PDSS2: variants seen among roughly 807,000 people sequenced by gnomAD.
PDSS2 encodes decaprenyl diphosphate synthase subunit 2, also known as all trans-polyprenyl-diphosphate synthase PDSS2.
Under a neutral mutation model 44.5 loss-of-function variants are expected in PDSS2, and 31 were observed. The observed-to-expected ratio is 0.70, with a 90% CI of 0.52 to 0.94. PDSS2 has a LOEUF of 0.94. Among genes scored for constraint, PDSS2 ranks in the 40% least tolerant of loss-of-function variants. The pLI, the probability that PDSS2 is intolerant of heterozygous loss-of-function variation, is 0.00. For missense variants in PDSS2, 452 were observed against 482.2 expected, an observed-to-expected ratio of 0.94 and a Z score of 0.59; for synonymous variants, 157 against 180.3, an observed-to-expected ratio of 0.87 and a Z score of 1.03.
intron 3 of PDSS2, among the ~76,000 whole-genome samples, chr6:107,266,447 G>A (rs1775415303): frequency 6.7e-6 from 1 of 150,250 alleles, no homozygotes; most frequent in Admixed American, 6.6e-5. Context: ...TGAAGAACAA[G>A]GTGCAAAAGA....
chr6:107,176,614 T>G (rs1327427388), intron 7 of PDSS2, among the ~76,000 whole-genome samples: 1 of 152,162 alleles, frequency 6.6e-6, no homozygotes, highest in East Asian at 1.9e-4. Context: ...ATTTCAAGGC[T>G]CAACCTCTCT....
At chr6:107,387,448 T>G (rs1217458889) in intron 1 of PDSS2, among the ~76,000 whole-genome samples, 1 of 152,180 alleles carries the variant, frequency 6.6e-6, no homozygotes, top group African/African-American at 2.4e-5. Context: ...CTGATACCAT[T>G]ATTTTTGTAG....
intron 3 of PDSS2, among the ~76,000 whole-genome samples, chr6:107,269,306 A>T (rs1407384919): frequency 6.6e-6 from 1 of 150,796 alleles, no homozygotes; most frequent in Non-Finnish European, 1.5e-5. Context: ...TAGATGGTGC[A>T]AAATCTAGGC....
At chr6:107,251,431 A>G (rs904484888) in intron 3 of PDSS2, among the ~76,000 whole-genome samples, 2 of 152,202 alleles carry the variant, frequency 1.3e-5, no homozygotes, top group African/African-American at 4.8e-5. Context: ...TTGGAGGTGA[A>G]TAACACGGCA....
intron 3 of PDSS2, among the ~76,000 whole-genome samples, chr6:107,261,952 A>G (rs1775251924): frequency 7.8e-6 from 1 of 128,172 alleles, no homozygotes; most frequent in South Asian, 2.4e-4. Flanking sequence ...TCTGTTGCCC[A>G]GGCTGGAGTG....
chr6:107,373,809 A>C (rs188295650), intron 1 of PDSS2, among the ~76,000 whole-genome samples: 1 of 152,286 alleles, frequency 6.6e-6, no homozygotes, highest in East Asian at 1.9e-4. Flanking sequence ...CTCACTCTGG[A>C]TTATAGATGA....
intron 2 of PDSS2, among the ~76,000 whole-genome samples, chr6:107,285,079 T>C (rs1776096431): frequency 6.6e-6 from 1 of 152,168 alleles, no homozygotes; most frequent in African/African-American, 2.4e-5. Context: ...CCTGGGCTCT[T>C]TGCATATCAA....
intron 1 of PDSS2, among the ~76,000 whole-genome samples, chr6:107,448,269 C>T (rs1249821981): frequency 1.3e-5 from 2 of 152,196 alleles, no homozygotes; most frequent in Middle Eastern, 3.2e-3. Context: ...AATTTCTCCT[C>T]AGAAAATGAG....
At position 107,252,948 on chromosome 6, in the gene PDSS2, G is replaced by A. The variant is rs1020547521; in HGVS notation, c.631-7329C>T. On this transcript the variant is annotated intron_variant, in intron 3 of 7. Coordinates refer to ENST00000369037, the MANE Select transcript of PDSS2 (RefSeq NM_020381.4). ...GTACTGTACTAATGAAACTAGTCTCGTTAGGCCACAGTTATACATGAGACA... is the reference window on the plus strand; with the variant it reads ...GTACTGTACTAATGAAACTAGTCTCATTAGGCCACAGTTATACATGAGACA... 3.9e-5 allele frequency among the ~76,000 whole-genome samples: 6 copies of A among 152,214 alleles called. No homozygotes were observed. The East Asian group carries it at 7.7e-4, about 20-fold the overall frequency.
At chr6:107,257,128 C>T (rs1434300297) in intron 3 of PDSS2, among the ~76,000 whole-genome samples, 1 of 151,326 alleles carries the variant, frequency 6.6e-6, no homozygotes, top group Non-Finnish European at 1.5e-5. Context: ...TGGAGTGAGC[C>T]AAGATCATGC....
At chr6:107,395,418 C>G (rs969126863) in intron 1 of PDSS2, among the ~76,000 whole-genome samples, 1 of 152,074 alleles carries the variant, frequency 6.6e-6, no homozygotes. Flanking sequence ...ATTTTTTAAA[C>G]CACTTGATAT....
At chr6:107,324,446 G>A (rs1463053900) in intron 2 of PDSS2, among the ~76,000 whole-genome samples, 1 of 151,964 alleles carries the variant, frequency 6.6e-6, no homozygotes, top group Non-Finnish European at 1.5e-5. Context: ...TCTTAAATAG[G>A]CTTTTATTGC....
At chr6:107,350,987 G>A (rs1179804548) in intron 1 of PDSS2, among the ~76,000 whole-genome samples, 2 of 151,756 alleles carry the variant, frequency 1.3e-5, no homozygotes, top group African/African-American at 2.4e-5. Flanking sequence ...ATAAGGTCTT[G>A]GATTAAGCAA....
chr6:107,396,963 G>T (rs943546593), intron 1 of PDSS2, among the ~76,000 whole-genome samples: 1 of 152,018 alleles, frequency 6.6e-6, no homozygotes, highest in African/African-American at 2.4e-5. Context: ...AAGTGTTGGG[G>T]TTACAGGTGT....
chr6:107,344,118 T>C (rs1459862986), intron 1 of PDSS2, among the ~76,000 whole-genome samples: 1 of 152,228 alleles, frequency 6.6e-6, no homozygotes, highest in Non-Finnish European at 1.5e-5. Context: ...TTTTGGGTCC[T>C]ACTACTTCAC....
At chr6:107,387,053 C>A (rs1779633315) in intron 1 of PDSS2, among the ~76,000 whole-genome samples, 1 of 152,204 alleles carries the variant, frequency 6.6e-6, no homozygotes, top group African/African-American at 2.4e-5. Flanking sequence ...TCAAATAAGT[C>A]TGAAGGGTTT....
chr6:107,453,915 G>T (rs1013916832), intron 1 of PDSS2, among the ~76,000 whole-genome samples: 1 of 152,034 alleles, frequency 6.6e-6, no homozygotes, highest in South Asian at 2.1e-4. Flanking sequence ...TCCATGAAAG[G>T]TTCTCTACTA....
chr6:107,392,226 C>T (rs1167640742), intron 1 of PDSS2, among the ~76,000 whole-genome samples: 2 of 152,124 alleles, frequency 1.3e-5, no homozygotes, highest in Admixed American at 1.3e-4. Flanking sequence ...GTTTTAACAT[C>T]GGCCAAGTGT....
chr6:107,437,620 A>G (rs183565408), intron 1 of PDSS2, among the ~76,000 whole-genome samples: 4 of 152,036 alleles, frequency 2.6e-5, no homozygotes, highest in Admixed American at 2.6e-4. Flanking sequence ...ATATACCAAA[A>G]TCCATGCATA....
Sources: gnomAD v4.1 joint callset for allele counts (sites outside exome capture counted in the v4.1 genomes callset) on GRCh38, gnomAD v4.1.1 for gene constraint, MANE v1.5 for transcripts, NCBI Gene and HGNC (gene_info 2026-07-23, HGNC 2026-07-21) for gene names.